The following PFKP variants were observed in gnomAD, a reference collection of about 807,000 sequenced individuals.
PFKP encodes ATP-dependent 6-phosphofructokinase, platelet type.
A neutral mutation model predicts 94.3 loss-of-function variants in PFKP; 101 were observed. The ratio of observed to expected loss-of-function variants is 1.07; its 90% CI spans 0.91 to 1.26. The LOEUF is 1.26. PFKP is among the 50% of genes most tolerant of loss of function. PFKP has a pLI of 0.00. For synonymous variants in PFKP, 573 were observed against 432.6 expected (o/e 1.32, Z -4.03); for missense variants, 1,145 against 1,103.3 (o/e 1.04, Z -0.53).
At position 3,135,850 on chromosome 10, in the gene PFKP, G is replaced by A. The variant is rs373695047; in HGVS notation, c.2225+12G>A. On this transcript the variant is annotated intron_variant, in intron 21 of 21. Transcript: ENST00000381125. ...CAAACGGATTTTGAGTAAGTTGGCT[G>A]GGTTCCCTGAGGCAATAAGACCCCA... is the stretch of plus-strand genomic sequence containing the variant. 149 of 1,565,452 alleles carry A rather than the reference G, an allele frequency of 9.5e-5. No individual in the cohort carries two copies. The highest frequency in any genetic ancestry group is 1.2e-4 in the Non-Finnish European group (142 of 1,136,240).
intron 4 of PFKP, among the ~76,000 whole-genome samples, chr10:3,101,907 T>C (rs1016329752): frequency 1.3e-5 from 2 of 152,148 alleles, no homozygotes; most frequent in Admixed American, 6.5e-5. Flanking sequence ...GACACTAGCA[T>C]CCGCCTTTCA....
chr10:3,101,329 A>G lies in PFKP; in HGVS notation c.265-36A>G, dbSNP rs1445005761. The G allele has an allele frequency of 2.0e-6, 3 of 1,522,838 alleles. No individual in the cohort carries two copies. In the African/African-American group the frequency reaches 4.1e-5, roughly 21 times the overall value. The allele number at this position is 1,522,838 out of a possible 1,614,324, so 94.3% of individuals were successfully genotyped here. A position where few individuals can be genotyped will look rare whatever the true frequency, so the allele number is the denominator to read the frequency against. ...TGCCATCCACCTGGCGCTCTCTCAGACTGAGAGGAGATAAATTAGCTGGTG... is the reference window on the plus strand; with the variant it reads ...TGCCATCCACCTGGCGCTCTCTCAGGCTGAGAGGAGATAAATTAGCTGGTG... On this transcript the variant is annotated intron_variant, in intron 3 of 21. Transcript: ENST00000381125.
chr10:3,107,223 C>CGGAA lies in PFKP; in HGVS notation c.785_788dup (p.Lys264GlufsTer11). The CGGAA allele has an allele frequency of 6.2e-7, 1 of 1,606,372 alleles. No homozygotes were observed. The highest frequency in any genetic ancestry group is 8.5e-7 in the Non-Finnish European group (1 of 1,174,122). On this transcript the variant is annotated frameshift_variant, in exon 8 of 22. Transcript: ENST00000381125. LOFTEE classifies it high-confidence loss of function. ...TTTTCTGTCTCCACAGAACCGTGCC[C>CGGAA]GGAAAAAAAGGCTGAATATTATTAT...
chr10:3,082,381 A>G lies in PFKP; in HGVS notation c.113-7A>G, dbSNP rs942385150. On this transcript the variant is annotated splice_region_variant and splice_polypyrimidine_tract_variant and intron_variant, in intron 1 of 21. Coordinates refer to ENST00000381125, the MANE Select transcript of PFKP (RefSeq NM_002627.5). ...TTCAGTGACTCTTGCTCCTGTTTCC[A>G]CTGCAGGTATGAACGCTGCCGTCCG... 2 of 1,602,804 alleles carry G rather than the reference A, an allele frequency of 1.2e-6. No individual in the cohort carries two copies. Among genetic ancestry groups the G allele is most frequent in the Non-Finnish European group, 1.7e-6 (2 of 1,172,698 alleles).
chr10:3,119,156 A>G (rs1460007395), intron 15 of PFKP, among the ~76,000 whole-genome samples: 1 of 152,104 alleles, frequency 6.6e-6, no homozygotes, highest in Non-Finnish European at 1.5e-5. Context: ...TGTGGAAGTA[A>G]TTCTATCTCT....
At chr10:3,105,658 CA>C (rs1216605534) in intron 7 of PFKP, among the ~76,000 whole-genome samples, 157 bp downstream of exon 7, 6 of 152,108 alleles carry the variant, frequency 3.9e-5, no homozygotes, top group African/African-American at 1.2e-4. Context: ...GAGCGTGGGG[CA>C]TGTTTTCCTC....
chr10:3,131,537 A>C (rs1838589687), intron 17 of PFKP, among the ~76,000 whole-genome samples: 2 of 152,142 alleles, frequency 1.3e-5, no homozygotes, highest in African/African-American at 4.8e-5. Flanking sequence ...GCTCACTGCA[A>C]CTTCCGCCTC....
intron 1 of PFKP, among the ~76,000 whole-genome samples, chr10:3,077,798 A>T (rs554889370): frequency 4.0e-4 from 61 of 152,346 alleles, no homozygotes; most frequent in African/African-American, 1.4e-3. Context: ...GCTGTTAAAA[A>T]GTACGGCATA....
intron 21 of PFKP, among the ~76,000 whole-genome samples, chr10:3,136,187 C>T (rs1170092759): frequency 6.6e-6 from 1 of 152,150 alleles, no homozygotes; most frequent in African/African-American, 2.4e-5. Context: ...ATCGCTTGAA[C>T]CCGGGAGGCA....
intron 16 of PFKP, among the ~76,000 whole-genome samples, chr10:3,127,435 C>T (rs1213855192): frequency 6.6e-6 from 1 of 152,228 alleles, no homozygotes; most frequent in Non-Finnish European, 1.5e-5. Context: ...GAATGAGTGA[C>T]AGTAATTCCC....
At chr10:3,103,683 T>G in intron 4 of PFKP, 96 bp from the exon 5 acceptor site, 2 of 1,199,160 alleles carry the variant, frequency 1.7e-6, no homozygotes, top group South Asian at 2.7e-5. Flanking sequence ...ATGGTTGATT[T>G]CTCTACCCAT....
intron 19 of PFKP, 119 bp from the exon 20 acceptor site, chr10:3,134,364 C>A: frequency 1.4e-6 from 1 of 690,016 alleles, no homozygotes. Flanking sequence ...TTGTTCTGTT[C>A]CAACTATAAG....
chr10:3,069,095 C>T, intron 1 of PFKP: 3 of 324,100 alleles, frequency 9.3e-6, no homozygotes, highest in Non-Finnish European at 1.5e-5. Context: ...GCCCCGACAC[C>T]CGTGCGCCGC....
rs765507107 is a variant in PFKP at position 3,133,333 on chromosome 10, G to A, written c.2022+19G>A. ...GCAGCAGGTAGGCCCGAGACTGCAT[G>A]AGGGGCCACAAAGCCCCTGTCATGT... On this transcript the variant is annotated intron_variant, in intron 19 of 21. Transcript: ENST00000381125. 44 of 1,487,306 alleles carry A rather than the reference G, an allele frequency of 3.0e-5. No individual in the cohort carries two copies. Among genetic ancestry groups the A allele is most frequent in the Non-Finnish European group, 3.9e-5 (41 of 1,064,268 alleles). 92.1% of individuals were successfully genotyped at this position (1,487,306 alleles called of 1,614,324 possible). A position where few individuals can be genotyped will look rare whatever the true frequency, so the allele number is the denominator to read the frequency against.
intron 1 of PFKP, among the ~76,000 whole-genome samples, chr10:3,073,439 C>T (rs1414876021): frequency 6.6e-6 from 1 of 151,852 alleles, no homozygotes; most frequent in Non-Finnish European, 1.5e-5. Context: ...GGGGAGCCTG[C>T]GGAGGTGTAG....
At chr10:3,095,182 TTGTC>T (rs201205310) in intron 2 of PFKP, among the ~76,000 whole-genome samples, 2,788 of 98,592 alleles carry the variant, frequency 0.028, 36 homozygotes, top group Non-Finnish European at 0.055. Context: ...TAATTTCCCT[TTGTC>T]TGTAACTTTA....
intron 20 of PFKP, among the ~76,000 whole-genome samples, chr10:3,135,199 C>G (rs993214906): frequency 6.6e-6 from 1 of 152,160 alleles, no homozygotes; most frequent in Non-Finnish European, 1.5e-5. Flanking sequence ...CCCCACCCCC[C>G]TCAGCTTTCT....
At chr10:3,084,768 T>TCCTCCAGCCCCTCCCCAGGAGAGG (rs1833370298) in intron 2 of PFKP, among the ~76,000 whole-genome samples, 2 of 127,114 alleles carry the variant, frequency 1.6e-5, no homozygotes, top group African/African-American at 3.1e-5. Context: ...CCCAGGAGAG[T>TCCTCCAGCCCCTCCCCAGGAGAGG]CCTCCACCCC....
chr10:3,112,180 G>T (rs745674740), intron 10 of PFKP, 42 bp from the exon 11 acceptor site: 1 of 1,526,372 alleles, frequency 6.6e-7, no homozygotes, highest in East Asian at 2.3e-5. Context: ...GATGCACCAG[G>T]TCCTGACACA....
Sources: allele counts gnomAD v4.1 joint callset (sites outside exome capture counted in the v4.1 genomes callset), GRCh38; gene constraint gnomAD v4.1.1; transcripts MANE v1.5; gene names NCBI Gene and HGNC (gene_info 2026-07-23, HGNC 2026-07-21).